The following KRTAP26-1 variants were observed in gnomAD, a reference collection of about 807,000 sequenced individuals.
KRTAP26-1 encodes keratin-associated protein 26-1.
For synonymous variants in KRTAP26-1, 111 were observed against 103.3 expected (o/e 1.07, Z -0.45); for missense variants, 273 against 260.9 (o/e 1.05, Z -0.32).
rs1441937751 is a variant in KRTAP26-1 at position 30,319,859 on chromosome 21, G to C, written c.177C>G (p.Thr59=). ...HTWVTDNCQE[T]CGEPTSCQPV... The stretch of plus-strand genomic sequence containing the variant: ...GCTGGCAGCTGGTTGGTTCACCGCA[G>C]GTCTCTTGGCAGTTGTCTGTGACCC... The change falls in exon 1 of 1, where the codon ACC becomes ACG. Residue 59 remains threonine (T), a synonymous_variant. Coordinates refer to ENST00000360542, the MANE Select transcript of KRTAP26-1 (RefSeq NM_203405.2). 4 of 1,614,028 alleles carry C rather than the reference G, an allele frequency of 2.5e-6. No individual in the cohort carries two copies. The highest frequency in any genetic ancestry group is 3.4e-6 in the Non-Finnish European group (4 of 1,180,022).
Position 30,319,545 on chromosome 21 carries a change from T to C in KRTAP26-1, c.491A>G (p.Gln164Arg), listed in dbSNP as rs1981624668. The change falls in exon 1 of 1, where the codon CAA becomes CGA. Residue 164 changes from glutamine (Q) to arginine (R), a missense_variant. Gln to Arg is a conservative substitution (Grantham distance 43). Transcript: ENST00000360542. ...ACGATAGGCCAAGCAACTCGAGGGT[T>C]GGCATCCAGAAGTGAGGAGGTTTTG... ...QPQNLLTSGC[Q>R]PSSCLAYRPQ... is the part of the protein sequence containing the mutation. The C allele has an allele frequency of 6.2e-6, 10 of 1,613,798 alleles. No individual in the cohort carries two copies. In the South Asian group the frequency reaches 1.1e-4, roughly 18 times the overall value.
Position 30,319,383 on chromosome 21 carries a change from G to A in KRTAP26-1, c.*20C>T, listed in dbSNP as rs1981617309. 3 of 1,541,122 alleles carry A rather than the reference G, an allele frequency of 1.9e-6. No homozygotes were observed. The highest frequency in any genetic ancestry group is 1.8e-6 in the Non-Finnish European group (2 of 1,141,798). On this transcript the variant is annotated 3_prime_UTR_variant, in exon 1 of 1. Transcript: ENST00000360542. ...GGATGCTCAGAGTGATTATTCACTG[G>A]AACAAAGAAGCTGCTGGTTTCACAG...
chr21:30,320,021 G>T lies in KRTAP26-1; in HGVS notation c.15C>A (p.Asn5Lys), dbSNP rs139433635. MSCP[N>K]YCSGNSNSGS... ...CTGAGTTGGAGTTTCCCGAGCAGTA[G>T]TTGGGGCAAGACATAGTGAGGTTGT... The change falls in exon 1 of 1, where the codon AAC (asparagine) becomes AAA (lysine). Residue 5 changes from asparagine to lysine, a missense_variant. By Grantham distance (94) the Asn-to-Lys change is moderately conservative. Transcript: ENST00000360542. 4.9e-3 allele frequency: 7,772 copies of T among 1,600,326 alleles called. 31 individuals are homozygous for T. Among genetic ancestry groups the T allele is most frequent in the Non-Finnish European group, 6.0e-3 (7,041 of 1,172,384 alleles).
chr21:30,319,848 G>A lies in KRTAP26-1; in HGVS notation c.188C>T (p.Pro63Leu). The A allele has an allele frequency of 1.2e-6, 2 of 1,614,048 alleles. No individual in the cohort carries two copies. The highest frequency in any genetic ancestry group is 1.7e-6 in the Non-Finnish European group (2 of 1,179,968). ...ACAGTGGACCGGCTGGCAGCTGGTT[G>A]GTTCACCGCAGGTCTCTTGGCAGTT... ...TDNCQETCGE[P>L]TSCQPVHCET... The change falls in exon 1 of 1, where the codon CCA (proline) becomes CTA (leucine). Residue 63 changes from proline to leucine, a missense_variant. Transcript: ENST00000360542.
At position 30,319,358 on chromosome 21, in the gene KRTAP26-1, G is replaced by T; in HGVS notation, c.*45C>A. 1 of 1,489,828 alleles carries T rather than the reference G, an allele frequency of 6.7e-7. No homozygotes were observed. Among genetic ancestry groups the T allele is most frequent in the South Asian group, 1.5e-5 (1 of 67,846 alleles). 92.3% of individuals were successfully genotyped at this position (1,489,828 alleles called of 1,614,324 possible). On this transcript the variant is annotated 3_prime_UTR_variant, in exon 1 of 1. Coordinates refer to ENST00000360542, the MANE Select transcript of KRTAP26-1 (RefSeq NM_203405.2). ...TCCATGGAGTTTGAATTTTTGTTGT[G>T]GATGCTCAGAGTGATTATTCACTGG... is the stretch of plus-strand genomic sequence containing the variant.
chr21:30,319,283 G>T lies in KRTAP26-1; in HGVS notation c.*120C>A. Reference sequence around the variant, plus strand: ...GAGAGAAGCAGCTTGCATTAGATCAGGCACAGTAAAACTAAGAAACATCAG... The same window carrying T: ...GAGAGAAGCAGCTTGCATTAGATCATGCACAGTAAAACTAAGAAACATCAG... On this transcript the variant is annotated 3_prime_UTR_variant, in exon 1 of 1. Coordinates refer to ENST00000360542, the MANE Select transcript of KRTAP26-1 (RefSeq NM_203405.2). The T allele has an allele frequency of 1.0e-6, 1 of 985,864 alleles. No individual in the cohort carries two copies. The highest frequency in any genetic ancestry group is 1.5e-6 in the Non-Finnish European group (1 of 673,944). 61.1% of individuals were successfully genotyped at this position (985,864 alleles called of 1,614,324 possible).
rs766339111 is a variant in KRTAP26-1 at position 30,319,795 on chromosome 21, C to A, written c.241G>T (p.Gly81Cys). 3 of 1,613,576 alleles carry A rather than the reference C, an allele frequency of 1.9e-6. No individual in the cohort carries two copies. Among genetic ancestry groups the A allele is most frequent in the Non-Finnish European group, 1.7e-6 (2 of 1,179,742 alleles). Residue 81 changes from glycine (G) to cysteine (C), a missense_variant, in exon 1 of 1, where the codon GGT (glycine) becomes TGT (cysteine). Transcript: ENST00000360542. The stretch of plus-strand genomic sequence containing the variant: ...GGCACGTAGTAAGCAGTGGAAGAAC[C>A]GCAAGAGGTTTCAAGATTGCCGGTC... ...CETGNLETSC[G>C]SSTAYYVPRP...
Position 30,320,040 on chromosome 21 carries a change from A to T in KRTAP26-1, c.-5T>A. 1.9e-6 allele frequency: 3 copies of T among 1,569,520 alleles called. No homozygotes were observed. The highest frequency in any genetic ancestry group is 1.7e-6 in the Non-Finnish European group (2 of 1,155,602). ...GCAGTAGTTGGGGCAAGACATAGTG[A>T]GGTTGTGAGAGCAGGCTGAAGTTGA... is the stretch of plus-strand genomic sequence containing the variant. On this transcript the variant is annotated 5_prime_UTR_variant, in exon 1 of 1. Transcript: ENST00000360542.
rs1238426384 is a variant in KRTAP26-1, at chr21:30,320,215, C to T, written c.-180G>A. ...CTTTATTATAGCCAAGGAAGTGAGG[C>T]TTCCACCCTCCATAAAACTGGATGC... On this transcript the variant is annotated 5_prime_UTR_variant, in exon 1 of 1. Coordinates refer to ENST00000360542, the MANE Select transcript of KRTAP26-1 (RefSeq NM_203405.2). The T allele has an allele frequency of 5.7e-6, 3 of 528,486 alleles. No homozygotes were observed. The highest frequency in any genetic ancestry group is 3.4e-5 in the Admixed American group (1 of 29,724). The allele number at this position is 528,486 out of a possible 1,614,324, so 32.7% of individuals were successfully genotyped here.
At position 30,319,955 on chromosome 21, in the gene KRTAP26-1, G is replaced by A. The variant is rs1242992295; in HGVS notation, c.81C>T (p.Ile27=). ...RTSRHIPLTS[I]DLCPTSVSCG... ...AGCTCACGCTGGTAGGGCAGAGGTCGATGGAGGTGAGAGGAATATGGCGGG... is the reference window on the plus strand; with the variant it reads ...AGCTCACGCTGGTAGGGCAGAGGTCAATGGAGGTGAGAGGAATATGGCGGG... The change falls in exon 1 of 1, where the codon ATC becomes ATT. Residue 27 remains isoleucine, a synonymous_variant. Coordinates refer to ENST00000360542, the MANE Select transcript of KRTAP26-1 (RefSeq NM_203405.2). 1 of 1,614,044 alleles carries A rather than the reference G, an allele frequency of 6.2e-7. No individual in the cohort carries two copies. Among genetic ancestry groups the A allele is most frequent in the Non-Finnish European group, 8.5e-7 (1 of 1,179,926 alleles).
chr21:30,319,316 T>A lies in KRTAP26-1; in HGVS notation c.*87A>T, dbSNP rs117329189. 461 of 1,364,732 alleles carry A rather than the reference T, an allele frequency of 3.4e-4. 1 individual carries two copies. The highest frequency in any genetic ancestry group is 2.7e-3 in the Middle Eastern group (14 of 5,210). The allele number at this position is 1,364,732 out of a possible 1,614,324, so 84.5% of individuals were successfully genotyped here. On this transcript the variant is annotated 3_prime_UTR_variant, in exon 1 of 1. Transcript: ENST00000360542. ...AAAACTAAGAAACATCAGTTGCTAC[T>A]AGCAAAGAAGCAAAAGTCCATGGAG...
In KRTAP26-1 at chr21:30,319,363, C is replaced by T. The variant is rs368239878; in HGVS notation, c.*40G>A. 59 of 1,514,556 alleles carry T rather than the reference C, an allele frequency of 3.9e-5. No individual in the cohort carries two copies. The African/African-American group carries it at 6.8e-4, about 18-fold the overall frequency. The allele number at this position is 1,514,556 out of a possible 1,614,324, so 93.8% of individuals were successfully genotyped here. A position where few individuals can be genotyped will look rare whatever the true frequency, so the allele number is the denominator to read the frequency against. Reference sequence around the variant, plus strand: ...GGAGTTTGAATTTTTGTTGTGGATGCTCAGAGTGATTATTCACTGGAACAA... The same window carrying T: ...GGAGTTTGAATTTTTGTTGTGGATGTTCAGAGTGATTATTCACTGGAACAA... On this transcript the variant is annotated 3_prime_UTR_variant, in exon 1 of 1. Coordinates refer to ENST00000360542, the MANE Select transcript of KRTAP26-1 (RefSeq NM_203405.2).
Position 30,319,178 on chromosome 21 carries a change from C to A in KRTAP26-1, c.*225G>T. 2.5e-6 allele frequency: 1 copy of A among 397,886 alleles called. No individual in the cohort carries two copies. Among genetic ancestry groups the A allele is most frequent in the Non-Finnish European group, 4.5e-6 (1 of 222,600 alleles). 24.6% of individuals were successfully genotyped at this position (397,886 alleles called of 1,614,324 possible). ...ATAGTGCAAAACAAATACATTCTTCCCAGACCAGAGCAACATTGAATAGCA... is the reference window on the plus strand; with the variant it reads ...ATAGTGCAAAACAAATACATTCTTCACAGACCAGAGCAACATTGAATAGCA... On this transcript the variant is annotated 3_prime_UTR_variant, in exon 1 of 1. Coordinates refer to ENST00000360542, the MANE Select transcript of KRTAP26-1 (RefSeq NM_203405.2).
At chr21:30,319,623 C>CA in the KRTAP26-1 span, 1 of 1,613,870 alleles carries the variant, frequency 6.2e-7, no homozygotes, top group South Asian at 1.1e-5. Context: ...ATTGGGCACA[C>CA]AGTCTCCTAT....
In KRTAP26-1 at chr21:30,320,310, C is replaced by T. The variant is rs1416099313; in HGVS notation, c.-275G>A. 3 of 295,644 alleles carry T rather than the reference C, an allele frequency of 1.0e-5. No individual in the cohort carries two copies. Among genetic ancestry groups the T allele is most frequent in the East Asian group, 1.2e-4 (2 of 16,670 alleles). 18.3% of individuals were successfully genotyped at this position (295,644 alleles called of 1,614,324 possible). On this transcript the variant is annotated 5_prime_UTR_variant, in exon 1 of 1. Transcript: ENST00000360542. ...GCGACTGAGTTTTAATAGGATCTAT[C>T]CTTCTTAAATTATCCAAACAAAACA...
Position 30,319,497 on chromosome 21 carries a change from G to C in KRTAP26-1, c.539C>G (p.Ser180Cys). Reference sequence around the variant, plus strand: ...AGGCCCCAGAGGTCTGAGGCTGCTGGACACAACGTGAAGACTTTGAGGACG... The same window carrying C: ...AGGCCCCAGAGGTCTGAGGCTGCTGCACACAACGTGAAGACTTTGAGGACG... The part of the protein sequence containing the change: ...AYRPQSLHVV[S>C]SSLRPLGPLF... Residue 180 changes from serine to cysteine, a missense_variant, in exon 1 of 1, where the codon TCC becomes TGC. Coordinates refer to ENST00000360542, the MANE Select transcript of KRTAP26-1 (RefSeq NM_203405.2). 6.2e-7 allele frequency: 1 copy of C among 1,613,966 alleles called. No individual in the cohort carries two copies. Among genetic ancestry groups the C allele is most frequent in the Non-Finnish European group, 8.5e-7 (1 of 1,179,966 alleles).
Position 30,319,510 on chromosome 21 carries a change from G to T in KRTAP26-1, c.526C>A (p.Leu176Ile). Residue 176 changes from leucine (L) to isoleucine (I), a missense_variant, in exon 1 of 1, where the codon CTT becomes ATT. Coordinates refer to ENST00000360542, the MANE Select transcript of KRTAP26-1 (RefSeq NM_203405.2). ...SSCLAYRPQS[L>I]HVVSSSLRPL... ...CTGAGGCTGCTGGACACAACGTGAA[G>T]ACTTTGAGGACGATAGGCCAAGCAA... 2 of 1,614,008 alleles carry T rather than the reference G, an allele frequency of 1.2e-6. No individual in the cohort carries two copies. Among genetic ancestry groups the T allele is most frequent in the Non-Finnish European group, 1.7e-6 (2 of 1,179,984 alleles).
Position 30,319,762 on chromosome 21 carries a change from A to G in KRTAP26-1, c.274T>C (p.Cys92Arg). ...SSTAYYVPRP[C>R]QGSSFLPASF... ...GCAGGAAGAAAACTGCTTCCTTGGC[A>G]AGGCCTGGGCACGTAGTAAGCAGTG... The change falls in exon 1 of 1, where the codon TGC (cysteine) becomes CGC (arginine). Residue 92 changes from cysteine (C) to arginine (R), a missense_variant. Cys to Arg is a radical substitution (Grantham distance 180). Coordinates refer to ENST00000360542, the MANE Select transcript of KRTAP26-1 (RefSeq NM_203405.2). 6.8e-6 allele frequency: 11 copies of G among 1,614,048 alleles called. No homozygotes were observed. Among genetic ancestry groups the G allele is most frequent in the Non-Finnish European group, 8.5e-6 (10 of 1,179,988 alleles).
rs1467731778 is a variant in KRTAP26-1 at position 30,319,473 on chromosome 21, G to A, written c.563C>T (p.Pro188Leu). 17 of 1,613,816 alleles carry A rather than the reference G, an allele frequency of 1.1e-5. 1 individual carries two copies. Among genetic ancestry groups the A allele is most frequent in the Admixed American group, 1.7e-5 (1 of 59,986 alleles). ...VVSSSLRPLG[P>L]LFSGCQPLTH... ...CAGAGGTTGGCAACCACTGAACAGA[G>A]GCCCCAGAGGTCTGAGGCTGCTGGA... is the stretch of plus-strand genomic sequence containing the variant. Residue 188 changes from proline (P) to leucine (L), a missense_variant, in exon 1 of 1, where the codon CCT becomes CTT. Coordinates refer to ENST00000360542, the MANE Select transcript of KRTAP26-1 (RefSeq NM_203405.2).
Sources: allele counts gnomAD v4.1 joint callset, GRCh38; gene constraint gnomAD v4.1.1; transcripts MANE v1.5; gene names NCBI Gene and HGNC (gene_info 2026-07-23, HGNC 2026-07-21).